GRIN3A: variants seen among roughly 807,000 people sequenced by gnomAD.
GRIN3A encodes the protein glutamate ionotropic receptor NMDA type subunit 3A, also known as glutamate receptor ionotropic, NMDA 3A.
GRIN3A carries 47 observed loss-of-function variants against 92.4 expected under a neutral mutation model. The ratio of observed to expected loss-of-function variants is 0.51; its 90% confidence interval spans 0.40 to 0.65. GRIN3A has a LOEUF of 0.65. GRIN3A is among the 30% of genes least tolerant of loss of function. The pLI is 0.00. For synonymous variants in GRIN3A, 527 were observed against 540.6 expected (o/e 0.97, Z 0.35); for missense variants, 1,324 against 1,393.1 (o/e 0.95, Z 0.79).
At chr9:101,701,574 G>C (rs763356147) in intron 1 of GRIN3A, among the ~76,000 whole-genome samples, 1 of 151,834 alleles carries the variant, frequency 6.6e-6, no homozygotes, top group Non-Finnish European at 1.5e-5. Context: ...GAAAACCCTA[G>C]GAAAACAAAC....
chr9:101,634,650 C>G (rs1030177422), intron 3 of GRIN3A, among the ~76,000 whole-genome samples: 8 of 152,098 alleles, frequency 5.3e-5, no homozygotes, highest in Non-Finnish European at 1.0e-4. Flanking sequence ...CCTTATCTAG[C>G]ACTACATTCT....
At chr9:101,618,354 AAAAC>A (rs1281153709) in intron 5 of GRIN3A, among the ~76,000 whole-genome samples, 16 of 152,036 alleles carry the variant, frequency 1.1e-4, no homozygotes, top group African/African-American at 2.9e-4. Context: ...TTACAAGAAA[AAAAC>A]AAACAACCCC....
At chr9:101,617,390 A>C (rs1184397735) in intron 5 of GRIN3A, among the ~76,000 whole-genome samples, 1 of 152,030 alleles carries the variant, frequency 6.6e-6, no homozygotes, top group Non-Finnish European at 1.5e-5. Context: ...ATATTCTAAG[A>C]ATAGAATTTT....
intron 3 of GRIN3A, among the ~76,000 whole-genome samples, chr9:101,638,887 C>T (rs986834358): frequency 2.0e-5 from 3 of 152,178 alleles, no homozygotes; most frequent in Non-Finnish European, 4.4e-5. Context: ...AAGAGTTCAG[C>T]CATTGTACAT....
intron 2 of GRIN3A, among the ~76,000 whole-genome samples, chr9:101,672,531 G>GTT (rs1829341709): frequency 6.6e-6 from 1 of 152,108 alleles, no homozygotes; most frequent in South Asian, 2.1e-4. Flanking sequence ...ATCAGATGAT[G>GTT]TAAGTGTAGG....
chr9:101,737,762 C>G lies in GRIN3A; in HGVS notation c.218G>C (p.Arg73Pro). 2.0e-6 allele frequency: 3 copies of G among 1,528,872 alleles called. No individual in the cohort carries two copies. The highest frequency in any genetic ancestry group is 2.6e-6 in the Non-Finnish European group (3 of 1,143,940). 94.7% of individuals were successfully genotyped at this position (1,528,872 alleles called of 1,614,324 possible). The change falls in exon 1 of 9, where the codon CGA becomes CCA. Residue 73 changes from arginine to proline, a missense_variant. Transcript: ENST00000361820. ...CGGCTCATCCCTCTGGGCTCCTGCT[C>G]GGCTGTCGTCCGGAGCGCGGCTGGC... ...RAASRAPDDS[R>P]AGAQRDEPEP...
intron 6 of GRIN3A, chr9:101,595,016 T>C: frequency 1.5e-6 from 2 of 1,333,642 alleles, no homozygotes; most frequent in Non-Finnish European, 2.0e-6. Context: ...GGTTGGGCCA[T>C]GGGGTGGGGG....
intron 5 of GRIN3A, among the ~76,000 whole-genome samples, chr9:101,616,662 A>G (rs1208238972): frequency 1.4e-5 from 2 of 144,960 alleles, no homozygotes; most frequent in Non-Finnish European, 3.0e-5. Flanking sequence ...TAAAAAAGGT[A>G]TTCTCACTTA....
At chr9:101,595,122 G>A in intron 6 of GRIN3A, 2 of 610,388 alleles carry the variant, frequency 3.3e-6, no homozygotes, top group Non-Finnish European at 5.7e-6. Context: ...AGGGAAAGAA[G>A]GAGGGAAAAG....
At chr9:101,732,993 A>G (rs1270408963) in intron 1 of GRIN3A, among the ~76,000 whole-genome samples, 3 of 152,144 alleles carry the variant, frequency 2.0e-5, no homozygotes, top group Non-Finnish European at 4.4e-5. Flanking sequence ...GTTTCATTAC[A>G]TTGTGCTCTT....
chr9:101,625,453 C>T (rs990419256), intron 4 of GRIN3A, among the ~76,000 whole-genome samples: 9 of 152,266 alleles, frequency 5.9e-5, no homozygotes, highest in South Asian at 2.1e-4. Context: ...CATCCTTACA[C>T]GAATGGCTTT....
chr9:101,589,822 A>G (rs1380814371), intron 6 of GRIN3A, among the ~76,000 whole-genome samples: 1 of 152,166 alleles, frequency 6.6e-6, no homozygotes, highest in East Asian at 1.9e-4. Context: ...CCAGTGTTAT[A>G]TCTTTAAAAA....
intron 6 of GRIN3A, chr9:101,594,504 G>A (rs1828082490): frequency 6.2e-7 from 1 of 1,614,164 alleles, no homozygotes; most frequent in Non-Finnish European, 8.5e-7. Flanking sequence ...TCCTTGTCCA[G>A]GATGATGATG....
intron 2 of GRIN3A, among the ~76,000 whole-genome samples, chr9:101,678,866 G>A (rs993743088): frequency 6.6e-6 from 1 of 152,146 alleles, no homozygotes; most frequent in African/African-American, 2.4e-5. Flanking sequence ...TTTCTTCTCT[G>A]ATATGTTACC....
intron 6 of GRIN3A, among the ~76,000 whole-genome samples, chr9:101,596,004 G>C (rs377191914): frequency 1.3e-5 from 2 of 152,084 alleles, no homozygotes; most frequent in Non-Finnish European, 2.9e-5. Context: ...CTTTCGGAGC[G>C]CATCAATTAC....
chr9:101,706,983 A>C lies in GRIN3A; in HGVS notation c.700-19783T>G, dbSNP rs138779224. ...TTCAGAAAAGAAACCACAATCTTGT[A>C]ATGAGGTGGTGAGACTAAATCAGCA... is the stretch of plus-strand genomic sequence containing the variant. On this transcript the variant is annotated intron_variant, in intron 1 of 8. Coordinates refer to ENST00000361820, the MANE Select transcript of GRIN3A (RefSeq NM_133445.3). Among the ~76,000 whole-genome samples the C allele has an allele frequency of 2.6e-5, 4 of 152,348 alleles. No homozygotes were observed. In the East Asian group the frequency reaches 7.7e-4, roughly 29 times the overall value.
intron 1 of GRIN3A, among the ~76,000 whole-genome samples, chr9:101,699,474 G>A (rs1213163503): frequency 6.6e-6 from 1 of 152,188 alleles, no homozygotes; most frequent in Non-Finnish European, 1.5e-5. Flanking sequence ...ATAATTTATA[G>A]AATCACTGTT....
At chr9:101,619,493 C>T (rs1300096971) in intron 5 of GRIN3A, among the ~76,000 whole-genome samples, 1 of 152,124 alleles carries the variant, frequency 6.6e-6, no homozygotes, top group Non-Finnish European at 1.5e-5. Flanking sequence ...CAAACAAGTT[C>T]CTACAGTACA....
intron 8 of GRIN3A, 42 bp from the exon 9 acceptor site, chr9:101,573,555 G>GA: frequency 6.9e-7 from 1 of 1,454,166 alleles, no homozygotes; most frequent in Non-Finnish European, 9.6e-7. Context: ...CCATTCTGCA[G>GA]CTCTCAAGGT....
Sources: allele counts gnomAD v4.1 joint callset (sites outside exome capture counted in the v4.1 genomes callset), GRCh38; gene constraint gnomAD v4.1.1; transcripts MANE v1.5; gene names NCBI Gene and HGNC (gene_info 2026-07-23, HGNC 2026-07-21).